ABL1: variants seen among roughly 807,000 people sequenced by gnomAD.
ABL1 encodes tyrosine-protein kinase ABL1.
A neutral mutation model predicts 94.7 loss-of-function variants in ABL1; 11 were observed. The observed-to-expected ratio is 0.12, with a 90% confidence interval of 0.07 to 0.19. ABL1 has a LOEUF of 0.19. Among genes scored for constraint, ABL1 ranks in the 10% least tolerant of loss-of-function variants. The probability of loss-of-function intolerance (pLI) is 1.00; values close to 1 mark genes in which losing one functional copy is unlikely to be tolerated. For synonymous variants in ABL1, 656 were observed against 622.4 expected, an observed-to-expected ratio of 1.05 and a Z score of -0.80; for missense variants, 1,082 against 1,489.4, an observed-to-expected ratio of 0.73 and a Z score of 4.50.
chr9:130,757,696 G>T (rs899534806), intron 1 of ABL1, among the ~76,000 whole-genome samples: 6 of 151,620 alleles, frequency 4.0e-5, no homozygotes, highest in African/African-American at 1.5e-4. Context: ...CCACCACCAC[G>T]CCCGGCTAAT....
At chr9:130,861,428 A>T (rs1831068993) in intron 3 of ABL1, among the ~76,000 whole-genome samples, 1 of 152,168 alleles carries the variant, frequency 6.6e-6, no homozygotes, top group South Asian at 2.1e-4. Context: ...TAACTTGTAT[A>T]TTTCTTTGCT....
intron 7 of ABL1, among the ~76,000 whole-genome samples, chr9:130,876,043 G>A (rs1384975131): frequency 1.3e-5 from 2 of 152,190 alleles, no homozygotes; most frequent in African/African-American, 2.4e-5. Flanking sequence ...GGCCAGGATG[G>A]TCTCCAACTC....
At chr9:130,796,549 C>T (rs978117155) in intron 1 of ABL1, among the ~76,000 whole-genome samples, 4 of 151,974 alleles carry the variant, frequency 2.6e-5, no homozygotes, top group African/African-American at 4.8e-5. Context: ...TTCAAATGAT[C>T]GAATGGCCAG....
intron 1 of ABL1, among the ~76,000 whole-genome samples, chr9:130,737,841 T>C (rs919755192): frequency 2.0e-5 from 3 of 151,402 alleles, no homozygotes; most frequent in African/African-American, 4.9e-5. Flanking sequence ...CTTTTTTTTT[T>C]TTTTTTTGAG....
chr9:130,840,364 G>A (rs1169421949), intron 1 of ABL1, among the ~76,000 whole-genome samples: 1 of 152,150 alleles, frequency 6.6e-6, no homozygotes, highest in African/African-American at 2.4e-5. Context: ...CTCATGGTTG[G>A]CATTTTATTT....
At chr9:130,813,861 C>T (rs534090019) in intron 1 of ABL1, among the ~76,000 whole-genome samples, 2 of 152,198 alleles carry the variant, frequency 1.3e-5, no homozygotes, top group Admixed American at 6.5e-5. Flanking sequence ...ATGGGTTTTT[C>T]AGGATGTAAC....
intron 1 of ABL1, among the ~76,000 whole-genome samples, chr9:130,809,791 G>C (rs1830182509): frequency 6.6e-6 from 1 of 152,156 alleles, no homozygotes; most frequent in Non-Finnish European, 1.5e-5. Context: ...CCAGACTAAC[G>C]TTTGACCAAA....
intron 1 of ABL1, among the ~76,000 whole-genome samples, chr9:130,774,128 T>C (rs1323192865): frequency 6.6e-6 from 1 of 152,262 alleles, no homozygotes; most frequent in Non-Finnish European, 1.5e-5. Flanking sequence ...TATTGCTGAG[T>C]ACTATTCCAT....
chr9:130,728,547 G>A lies in ABL1; in HGVS notation c.136+14092G>A, dbSNP rs149036426. Among the ~76,000 whole-genome samples, 63 of 151,342 alleles carry A rather than the reference G, an allele frequency of 4.2e-4. No homozygotes were observed. The East Asian group carries it at 9.6e-3, about 23-fold the overall frequency. On this transcript the variant is annotated intron_variant, in intron 1 of 10. Coordinates refer to the ABL1 transcript ENST00000372348. ...ACTACAGGCGCCTGCCACCACGCCC[G>A]GCTAATTTTTTTGTATGTTTTTTTA...
intron 4 of ABL1, among the ~76,000 whole-genome samples, chr9:130,865,280 G>A (rs921345045): frequency 3.3e-5 from 5 of 152,176 alleles, no homozygotes; most frequent in African/African-American, 2.4e-5. Context: ...ATCTAATTAG[G>A]GAAAAGGCAG....
At chr9:130,813,561 CAAAAAAA>C (rs57194587) in intron 1 of ABL1, among the ~76,000 whole-genome samples, 45 of 60,644 alleles carry the variant, frequency 7.4e-4, no homozygotes, top group African/African-American at 1.1e-3. Flanking sequence ...ACTCCATCTC[CAAAAAAA>C]AAAAAAAAAA....
intron 1 of ABL1, among the ~76,000 whole-genome samples, chr9:130,755,458 T>A (rs536342596): frequency 1.3e-5 from 2 of 152,194 alleles, no homozygotes; most frequent in East Asian, 1.9e-4. Flanking sequence ...GAACAGTCTC[T>A]GTGTACTCTG....
intron 1 of ABL1, among the ~76,000 whole-genome samples, chr9:130,802,714 G>A (rs761282416): frequency 2.6e-5 from 4 of 152,158 alleles, no homozygotes; most frequent in Non-Finnish European, 5.9e-5. Context: ...GGTTAGACTG[G>A]CAGTTGAACT....
chr9:130,754,440 G>A (rs1188008569), intron 1 of ABL1, among the ~76,000 whole-genome samples: 5 of 146,390 alleles, frequency 3.4e-5, no homozygotes, highest in Admixed American at 1.4e-4. Flanking sequence ...CCTGGGAGGC[G>A]GAGCTTGCAG....
At chr9:130,879,086 A>G (rs1831404786) in intron 8 of ABL1, among the ~76,000 whole-genome samples, 1 of 152,100 alleles carries the variant, frequency 6.6e-6, no homozygotes, top group Non-Finnish European at 1.5e-5. Flanking sequence ...CATGTTAGTC[A>G]GGCTGGTCTC....
rs78470027 is a variant in ABL1, at chr9:130,716,727, T to G, written c.136+2272T>G. 5.6e-3 allele frequency among the ~76,000 whole-genome samples: 853 copies of G among 152,266 alleles called. 2 individuals are homozygous for G. The highest frequency in any genetic ancestry group is 8.5e-3 in the South Asian group (41 of 4,822). ...CAATGATGAAATTTTAGCTTTCCAG[T>G]GAAAATTAGGATTTTGGAGAATTTT... On this transcript the variant is annotated intron_variant, in intron 1 of 10. Coordinates refer to the ABL1 transcript ENST00000372348.
intron 1 of ABL1, among the ~76,000 whole-genome samples, chr9:130,747,123 C>G (rs1448103849): frequency 6.6e-6 from 1 of 152,064 alleles, no homozygotes; most frequent in African/African-American, 2.4e-5. Flanking sequence ...GCCTGTAATC[C>G]CAGCACTTTG....
chr9:130,726,644 A>T lies in ABL1; in HGVS notation c.136+12189A>T, dbSNP rs182106151. Among the ~76,000 whole-genome samples the T allele has an allele frequency of 8.1e-3, 1,234 of 152,026 alleles. 15 individuals carry two copies. The highest frequency in any genetic ancestry group is 0.027 in the African/African-American group (1,131 of 41,488). On this transcript the variant is annotated intron_variant, in intron 1 of 10. Coordinates refer to the ABL1 transcript ENST00000372348. ...TTATTTTCTTTCTTTTACTTAAAAA[A>T]ATTTTTTTTTGTAGAGATAGGGTCT...
At position 130,808,368 on chromosome 9, in the gene ABL1, C is replaced by T. The variant is rs558631266; in HGVS notation, c.137-45696C>T. Among the ~76,000 whole-genome samples, 12 of 151,902 alleles carry T rather than the reference C, an allele frequency of 7.9e-5. No homozygotes were observed. In the South Asian group the frequency reaches 8.3e-4, roughly 11 times the overall value. On this transcript the variant is annotated intron_variant, in intron 1 of 10. Coordinates refer to the ABL1 transcript ENST00000372348. Reference sequence around the variant, plus strand: ...AAGCAATTCTTCTGCCTCAGCCTCCCGAGTAACTGGGACTACAGGCATGCA... The same window carrying T: ...AAGCAATTCTTCTGCCTCAGCCTCCTGAGTAACTGGGACTACAGGCATGCA...
Sources: gnomAD v4.1 joint callset for allele counts (sites outside exome capture counted in the v4.1 genomes callset) on GRCh38, gnomAD v4.1.1 for gene constraint, MANE v1.5 for transcripts, NCBI Gene and HGNC (gene_info 2026-07-23, HGNC 2026-07-21) for gene names.